The following COG6 variants were observed in gnomAD, a reference collection of about 807,000 sequenced individuals.
COG6 encodes the protein component of oligomeric golgi complex 6.
COG6 carries 74 observed loss-of-function variants against 88.8 expected under a neutral mutation model. That is an observed-to-expected ratio of 0.83 (90% CI 0.69 to 1.01). The LOEUF (loss-of-function observed/expected upper bound fraction) is 1.01. Among genes scored for constraint, COG6 ranks in the 50% least tolerant of loss-of-function variants. The pLI is 0.00. For synonymous variants in COG6, 286 were observed against 278.7 expected (o/e 1.03, Z -0.26); for missense variants, 800 against 797.9 (o/e 1.00, Z -0.03).
intron 13 of COG6, among the ~76,000 whole-genome samples, chr13:39,702,818 T>G (rs1162006032): frequency 4.6e-5 from 7 of 152,178 alleles, no homozygotes; most frequent in Non-Finnish European, 8.8e-5. Flanking sequence ...AACCAGAAAA[T>G]GAATTCTAGT....
chr13:39,697,334 G>A (rs1314712169), intron 12 of COG6, among the ~76,000 whole-genome samples: 1 of 150,552 alleles, frequency 6.6e-6, no homozygotes, highest in Non-Finnish European at 1.5e-5. Flanking sequence ...GTCAAGAAGA[G>A]GAGAAACGAC....
At chr13:39,679,276 CTTTATAAATTTTAT>C (rs2137986438) in intron 5 of COG6, 1 of 440,128 alleles carries the variant, frequency 2.3e-6, no homozygotes, top group South Asian at 2.8e-5. Flanking sequence ...GGATTTTTGT[CTTTATAAATTTTAT>C]TTTCCTGGCA....
intron 18 of COG6, among the ~76,000 whole-genome samples, chr13:39,750,083 A>T (rs903063830): frequency 1.3e-5 from 2 of 152,188 alleles, no homozygotes; most frequent in African/African-American, 2.4e-5. Context: ...ACTACAAGAA[A>T]AGGAGGTGTG....
At chr13:39,683,852 C>T (rs2137996911) in intron 8 of COG6, among the ~76,000 whole-genome samples, 1 of 152,064 alleles carries the variant, frequency 6.6e-6, no homozygotes. Flanking sequence ...TTTATCAAAA[C>T]TTGGAAAGGA....
intron 18 of COG6, among the ~76,000 whole-genome samples, chr13:39,731,520 T>C (rs889387963): frequency 1.3e-5 from 2 of 152,196 alleles, no homozygotes; most frequent in Non-Finnish European, 2.9e-5. Context: ...GTTGTGCATA[T>C]ATAAAATGTT....
At chr13:39,789,741 A>C (rs7992271) in exon 19 of COG6, 12,734 of 152,300 alleles carry the variant, frequency 0.084, 585 homozygotes, top group South Asian at 0.097. Context: ...TGAATGACAC[A>C]GCAGCAGGAG....
intron 18 of COG6, among the ~76,000 whole-genome samples, chr13:39,777,339 T>G (rs1484593964): frequency 6.6e-6 from 1 of 152,150 alleles, no homozygotes. Flanking sequence ...GGGAGAGAGA[T>G]ACCCCAGGTG....
Position 39,674,064 on chromosome 13 carries a change from A to G in COG6, c.429-3404A>G, listed in dbSNP as rs114095222. ...ATTTTATTTTTTATTTTTATTTTTA[A>G]TTTTTTTTAAATTATACTTTAAGTT... On this transcript the variant is annotated intron_variant, in intron 4 of 18. Transcript: ENST00000455146. Among the ~76,000 whole-genome samples, 685 of 151,680 alleles carry G rather than the reference A, an allele frequency of 4.5e-3. 6 individuals are homozygous for G. Among genetic ancestry groups the G allele is most frequent in the African/African-American group, 0.015 (634 of 41,384 alleles).
chr13:39,714,801 A>T (rs1878435186), intron 13 of COG6, among the ~76,000 whole-genome samples: 1 of 152,192 alleles, frequency 6.6e-6, no homozygotes, highest in Admixed American at 6.5e-5. Context: ...ATTATATCAA[A>T]AAGACACTTG....
intron 18 of COG6, among the ~76,000 whole-genome samples, chr13:39,768,284 C>T (rs1881223680): frequency 6.6e-6 from 1 of 152,212 alleles, no homozygotes; most frequent in African/African-American, 2.4e-5. Context: ...TTGCTGGTCC[C>T]TGGGGACCAG....
At chr13:39,724,805 G>A (rs1879046572) in intron 17 of COG6, among the ~76,000 whole-genome samples, 2 of 151,800 alleles carry the variant, frequency 1.3e-5, no homozygotes, top group South Asian at 4.2e-4. Context: ...TAGGATTACT[G>A]TTTACTCTAT....
chr13:39,719,994 A>AACACACACACAC (rs58617808), intron 15 of COG6, among the ~76,000 whole-genome samples, 167 bp downstream of exon 15: 82 of 147,764 alleles, frequency 5.5e-4, no homozygotes, highest in Non-Finnish European at 9.4e-4. Flanking sequence ...GCACATACAC[A>AACACACACACAC]ACACACACAC....
intron 11 of COG6, among the ~76,000 whole-genome samples, chr13:39,690,716 C>A (rs779067925): frequency 1.3e-5 from 2 of 152,030 alleles, no homozygotes; most frequent in African/African-American, 4.8e-5. Context: ...TCAGATGACA[C>A]ACTTGGTGAC....
intron 17 of COG6, among the ~76,000 whole-genome samples, chr13:39,725,024 T>G (rs1328336283): frequency 1.3e-5 from 2 of 151,918 alleles, no homozygotes; most frequent in African/African-American, 4.8e-5. Flanking sequence ...TTCCTTCTTT[T>G]CAGGTGAAGA....
intron 18 of COG6, among the ~76,000 whole-genome samples, chr13:39,771,756 C>A (rs1380462061): frequency 2.0e-5 from 3 of 152,220 alleles, no homozygotes; most frequent in African/African-American, 7.2e-5. Context: ...CACATATGAT[C>A]TTATGGTTAT....
chr13:39,744,374 TCTC>T (rs538436946), intron 18 of COG6, among the ~76,000 whole-genome samples: 81 of 152,202 alleles, frequency 5.3e-4, no homozygotes, highest in African/African-American at 2.0e-3. Context: ...CAGCCCAAAA[TCTC>T]CTTACGCTGA....
Position 39,682,242 on chromosome 13 carries a change from C to T in COG6, c.766C>T (p.Gln256Ter), listed in dbSNP as rs138597241. 2 of 1,609,026 alleles carry T rather than the reference C, an allele frequency of 1.2e-6. No homozygotes were observed. Among genetic ancestry groups the T allele is most frequent in the Admixed American group, 1.7e-5 (1 of 60,016 alleles). Residue 256 changes from glutamine (Q) to a stop codon, truncating the protein, a stop_gained, in exon 8 of 19, where the codon CAG becomes TAG. Coordinates refer to ENST00000455146, the MANE Select transcript of COG6 (RefSeq NM_020751.3). LOFTEE classifies it high-confidence loss of function. ...ATTGACACAGGCAATGGAAGCCCTG[C>T]AGGACAGACCTGTCTTATATAAGTT... ...PVLTQAMEALQDRPVLYKYTL... is the reference protein window; with the variant it reads ...PVLTQAMEAL
intron 11 of COG6, among the ~76,000 whole-genome samples, 158 bp downstream of exon 11, chr13:39,689,982 A>G (rs1403677243): frequency 1.3e-5 from 2 of 151,976 alleles, no homozygotes; most frequent in African/African-American, 4.8e-5. Flanking sequence ...TAAAATAATA[A>G]TTGCCAGTTT....
intron 18 of COG6, among the ~76,000 whole-genome samples, chr13:39,774,276 A>G (rs937580222): frequency 1.3e-5 from 2 of 152,198 alleles, no homozygotes; most frequent in Admixed American, 1.3e-4. Context: ...CCAGTGAAAA[A>G]TCATTTTTCC....
Sources: allele counts gnomAD v4.1 joint callset (sites outside exome capture counted in the v4.1 genomes callset), GRCh38; gene constraint gnomAD v4.1.1; transcripts MANE v1.5; gene names NCBI Gene and HGNC (gene_info 2026-07-23, HGNC 2026-07-21).